Variants in SDK1 observed in about 807,000 individuals in gnomAD.
SDK1 encodes the protein sidekick cell adhesion molecule 1.
A neutral mutation model predicts 245.5 loss-of-function variants in SDK1; 157 were observed. That is an observed-to-expected ratio of 0.64 (90% CI 0.56 to 0.73). The LOEUF is 0.73. Ranked by LOEUF, SDK1 falls within the 30% of genes least tolerant of loss-of-function variation. The pLI, the probability that SDK1 is intolerant of heterozygous loss-of-function variation, is 0.00. For missense variants in SDK1, 3,583 were observed against 3,002.3 expected, an observed-to-expected ratio of 1.19 and a Z score of -4.52; for synonymous variants, 1,647 against 1,278.5, an observed-to-expected ratio of 1.29 and a Z score of -6.15.
At chr7:4,156,307 G>T (rs890273546) in intron 30 of SDK1, among the ~76,000 whole-genome samples, 5 of 152,120 alleles carry the variant, frequency 3.3e-5, no homozygotes, top group African/African-American at 9.7e-5. Context: ...GTAACTCCTA[G>T]GATGCCAGGA....
intron 1 of SDK1, among the ~76,000 whole-genome samples, chr7:3,399,954 A>C (rs932446814): frequency 6.6e-6 from 1 of 152,132 alleles, no homozygotes; most frequent in African/African-American, 2.4e-5. Context: ...TGTTTTTGAC[A>C]AATGCCCTAG....
At chr7:4,008,116 A>G (rs1785638676) in intron 14 of SDK1, among the ~76,000 whole-genome samples, 1 of 152,118 alleles carries the variant, frequency 6.6e-6, no homozygotes, top group Non-Finnish European at 1.5e-5. Flanking sequence ...TTTGTTCTAG[A>G]TGTCTCATGC....
intron 3 of SDK1, among the ~76,000 whole-genome samples, chr7:3,641,355 T>G (rs911888924): frequency 1.5e-4 from 23 of 152,196 alleles, no homozygotes; most frequent in Non-Finnish European, 2.8e-4. Context: ...TATGACCCCA[T>G]TTTTTAAATT....
chr7:4,139,375 G>C (rs908838242), intron 28 of SDK1, among the ~76,000 whole-genome samples: 1 of 151,930 alleles, frequency 6.6e-6, no homozygotes, highest in African/African-American at 2.4e-5. Context: ...ATATATGTGT[G>C]TATATATGTA....
intron 33 of SDK1, among the ~76,000 whole-genome samples, chr7:4,174,824 C>G (rs750362142): frequency 6.6e-6 from 1 of 152,136 alleles, no homozygotes; most frequent in African/African-American, 2.4e-5. Flanking sequence ...GTTGCTCTGA[C>G]GAGGGCCCAG....
At chr7:4,199,003 G>A (rs927835786) in intron 35 of SDK1, among the ~76,000 whole-genome samples, 4 of 151,932 alleles carry the variant, frequency 2.6e-5, no homozygotes, top group African/African-American at 4.8e-5. Context: ...TAGTAGAGAC[G>A]GGGGTTTCAC....
chr7:3,368,834 C>G (rs1315779725), intron 1 of SDK1, among the ~76,000 whole-genome samples: 1 of 152,236 alleles, frequency 6.6e-6, no homozygotes, highest in African/African-American at 2.4e-5. Context: ...GAAGAGTTAG[C>G]TATTACACAT....
At chr7:3,888,832 C>G (rs945052372) in intron 5 of SDK1, among the ~76,000 whole-genome samples, 2 of 152,146 alleles carry the variant, frequency 1.3e-5, no homozygotes, top group African/African-American at 4.8e-5. Flanking sequence ...TCTTTTGACT[C>G]ATTCTCGTAT....
chr7:4,113,556 C>T (rs1783492861), intron 24 of SDK1, 117 bp downstream of exon 24: 7 of 1,250,254 alleles, frequency 5.6e-6, no homozygotes, highest in Non-Finnish European at 6.6e-6. Flanking sequence ...CAAAACTAAT[C>T]TCATCGTCAA....
chr7:3,725,879 G>T (rs1293410911), intron 4 of SDK1, among the ~76,000 whole-genome samples: 1 of 152,154 alleles, frequency 6.6e-6, no homozygotes, highest in Non-Finnish European at 1.5e-5. Context: ...GACTCCAATC[G>T]TATTGAACAG....
chr7:3,360,207 C>A (rs1292905002), intron 1 of SDK1, among the ~76,000 whole-genome samples: 1 of 152,168 alleles, frequency 6.6e-6, no homozygotes, highest in Non-Finnish European at 1.5e-5. Flanking sequence ...GGTCAGGAGT[C>A]ACACTAGTCA....
intron 1 of SDK1, among the ~76,000 whole-genome samples, chr7:3,477,977 A>G (rs1023538301): frequency 2.0e-5 from 3 of 152,036 alleles, no homozygotes; most frequent in Admixed American, 6.6e-5. Context: ...TTTTTTTCCT[A>G]AACAGTTTCC....
At chr7:3,527,119 T>G (rs1268110869) in intron 1 of SDK1, among the ~76,000 whole-genome samples, 1 of 152,238 alleles carries the variant, frequency 6.6e-6, no homozygotes, top group Non-Finnish European at 1.5e-5. Context: ...CTTCTGATAA[T>G]TATATTTCTC....
At position 3,948,368 on chromosome 7, in the gene SDK1, C is replaced by T. The variant is rs1780661609; in HGVS notation, c.848-2555C>T. Among the ~76,000 whole-genome samples, 4 of 150,388 alleles carry T rather than the reference C, an allele frequency of 2.7e-5. No individual in the cohort carries two copies. In the Admixed American group the frequency reaches 2.7e-4, roughly 10 times the overall value. On this transcript the variant is annotated intron_variant, in intron 5 of 44. Transcript: ENST00000404826. ...CACCTCTCGGGTTCCAGCGATTCTC[C>T]TGCCTCAGTCTCCCGAGTAGCTGGG...
chr7:3,318,794 A>G (rs1230707933), intron 1 of SDK1, among the ~76,000 whole-genome samples: 1 of 152,204 alleles, frequency 6.6e-6, no homozygotes, highest in East Asian at 1.9e-4. Flanking sequence ...AGAAAAACTC[A>G]ACAAAGAAGG....
In SDK1 at chr7:4,239,014, C is replaced by A. The variant is rs1019313859; in HGVS notation, c.6130+1230C>A. ...CATCTCCATGGCATAGCTCTTCTCA[C>A]CCACTGCAGCTTGAACCTTGCCTGT... On this transcript the variant is annotated intron_variant, in intron 42 of 44. Coordinates refer to ENST00000404826, the MANE Select transcript of SDK1 (RefSeq NM_152744.4). 5.9e-5 allele frequency among the ~76,000 whole-genome samples: 9 copies of A among 152,328 alleles called. No homozygotes were observed. In the East Asian group the frequency reaches 1.7e-3, roughly 29 times the overall value.
intron 1 of SDK1, among the ~76,000 whole-genome samples, chr7:3,533,427 AT>A (rs1483798531): frequency 6.6e-6 from 1 of 152,218 alleles, no homozygotes; most frequent in Admixed American, 6.5e-5. Context: ...GAATTTTATT[AT>A]TCTGATAGTG....
intron 35 of SDK1, among the ~76,000 whole-genome samples, chr7:4,193,968 T>G (rs1783387839): frequency 6.6e-6 from 1 of 152,200 alleles, no homozygotes; most frequent in South Asian, 2.1e-4. Context: ...TGCATTTATT[T>G]TGCATAACTC....
intron 20 of SDK1, 69 bp from the exon 21 acceptor site, chr7:4,076,929 T>C: frequency 7.4e-7 from 1 of 1,354,692 alleles, no homozygotes; most frequent in Admixed American, 1.8e-5. Flanking sequence ...GCAACGATGG[T>C]GCTGTGGAAT....
Sources: allele counts gnomAD v4.1 joint callset (sites outside exome capture counted in the v4.1 genomes callset), GRCh38; gene constraint gnomAD v4.1.1; transcripts MANE v1.5; gene names NCBI Gene and HGNC (gene_info 2026-07-23, HGNC 2026-07-21).